Variants in UPF2 observed in about 807,000 individuals in gnomAD.
The protein encoded by UPF2 is UPF2 regulator of nonsense mediated mRNA decay, also known as regulator of nonsense transcripts 2.
A neutral mutation model predicts 141.4 loss-of-function variants in UPF2; 17 were observed. That is an observed-to-expected ratio of 0.12 (90% confidence interval 0.08 to 0.18). The LOEUF (loss-of-function observed/expected upper bound fraction) is 0.18. Among genes scored for constraint, UPF2 ranks in the 10% least tolerant of loss-of-function variants. The probability of loss-of-function intolerance (pLI) is 1.00; values close to 1 mark genes in which losing one functional copy is unlikely to be tolerated. For missense variants in UPF2, 1,152 were observed against 1,515.9 expected (o/e 0.76, Z 3.99); for synonymous variants, 540 against 498.0 (o/e 1.08, Z -1.12).
At chr10:12,028,469 G>C (rs781635177) in intron 3 of UPF2, among the ~76,000 whole-genome samples, 2 of 152,064 alleles carry the variant, frequency 1.3e-5, no homozygotes, top group African/African-American at 2.4e-5. Flanking sequence ...TGATTATTAA[G>C]GAGTATTTAA....
chr10:12,018,062 C>A (rs1834255077), intron 3 of UPF2, among the ~76,000 whole-genome samples: 1 of 152,192 alleles, frequency 6.6e-6, no homozygotes, highest in African/African-American at 2.4e-5. Context: ...AAGTAATACA[C>A]ATTTACTGAA....
intron 2 of UPF2, among the ~76,000 whole-genome samples, chr10:12,030,420 G>A (rs1834497862): frequency 6.6e-6 from 1 of 151,934 alleles, no homozygotes. Flanking sequence ...TGTAATCTCA[G>A]CTACTTGGGA....
chr10:12,009,020 C>T (rs1265444160), intron 4 of UPF2, among the ~76,000 whole-genome samples: 1 of 152,106 alleles, frequency 6.6e-6, no homozygotes, highest in Non-Finnish European at 1.5e-5. Context: ...AGGACATGAA[C>T]TCACTCTTTT....
chr10:12,014,157 G>T lies in UPF2; in HGVS notation c.1173C>A (p.Leu391=). 1 of 1,527,838 alleles carries T rather than the reference G, an allele frequency of 6.5e-7. No individual in the cohort carries two copies. Among genetic ancestry groups the T allele is most frequent in the Non-Finnish European group, 8.8e-7 (1 of 1,130,564 alleles). 94.6% of individuals were successfully genotyped at this position (1,527,838 alleles called of 1,614,324 possible). Residue 391 remains leucine, a synonymous_variant, in exon 4 of 22, where the codon CTC becomes CTA. Coordinates refer to ENST00000357604, the MANE Select transcript of UPF2 (RefSeq NM_015542.4). The surrounding 1 kb of genome is among the most constrained non-coding windows in gnomAD (Gnocchi z 5.0). The part of the protein sequence containing the change: ...NRRILHSKGE[L]SEDRHKQYEE... ...CATACTGTTTATGTCTATCTTCACT[G>T]AGCTCCCCTTTAGAATGTAGAATGC...
At chr10:11,945,953 C>A (rs1832995083) in intron 16 of UPF2, among the ~76,000 whole-genome samples, 1 of 151,866 alleles carries the variant, frequency 6.6e-6, no homozygotes, top group Non-Finnish European at 1.5e-5. Flanking sequence ...TCTATTACAA[C>A]CTCATTTTGA....
intron 17 of UPF2, 93 bp from the exon 18 acceptor site, chr10:11,942,856 T>G: frequency 8.8e-7 from 1 of 1,140,230 alleles, no homozygotes; most frequent in South Asian, 1.3e-5. Flanking sequence ...TTGTTTAACA[T>G]AACTCAAGGA....
chr10:12,040,716 C>T (rs999448555), intron 1 of UPF2, among the ~76,000 whole-genome samples: 2 of 152,204 alleles, frequency 1.3e-5, no homozygotes, highest in Non-Finnish European at 2.9e-5. Flanking sequence ...AACTCTGCAG[C>T]CTGATAGCTA....
At chr10:11,927,101 C>A (rs1832722933) in intron 21 of UPF2, among the ~76,000 whole-genome samples, 1 of 152,228 alleles carries the variant, frequency 6.6e-6, no homozygotes, top group Admixed American at 6.5e-5. Context: ...TACTGGACCA[C>A]AACCGTGCAG....
At chr10:11,942,003 C>G (rs1037156179) in intron 18 of UPF2, among the ~76,000 whole-genome samples, 11 of 152,278 alleles carry the variant, frequency 7.2e-5, no homozygotes, top group Non-Finnish European at 1.6e-4. Flanking sequence ...GAAGAATTTA[C>G]TGAATTAAAT....
At position 11,948,510 on chromosome 10, in the gene UPF2, T is replaced by A. The variant is rs1458616634; in HGVS notation, c.3035-2A>T. On this transcript the variant is annotated splice_acceptor_variant, in intron 15 of 21. Coordinates refer to ENST00000357604, the MANE Select transcript of UPF2 (RefSeq NM_015542.4). LOFTEE classifies it high-confidence loss of function. ...TTGAGTCTTTGTCATTTACTAGGCC[T>A]TGAAATGAGAAGGTGGAAATGGAAA... The A allele has an allele frequency of 6.2e-7, 1 of 1,610,984 alleles. No homozygotes were observed. The highest frequency in any genetic ancestry group is 8.5e-7 in the Non-Finnish European group (1 of 1,179,562).
chr10:11,976,789 G>A (rs1354090495), intron 9 of UPF2, among the ~76,000 whole-genome samples: 1 of 152,328 alleles, frequency 6.6e-6, no homozygotes, highest in East Asian at 1.9e-4. Context: ...AGAACCAGGA[G>A]AGAATGGTGG....
intron 9 of UPF2, among the ~76,000 whole-genome samples, chr10:11,977,027 G>A (rs888207587): frequency 3.9e-5 from 6 of 152,114 alleles, no homozygotes; most frequent in African/African-American, 9.7e-5. Flanking sequence ...CTAGAACACC[G>A]GAGAGTGGGG....
intron 12 of UPF2, among the ~76,000 whole-genome samples, chr10:11,958,596 G>A (rs958390872): frequency 6.6e-6 from 1 of 152,160 alleles, no homozygotes; most frequent in African/African-American, 2.4e-5. Context: ...TATATGTCAA[G>A]TGTAGAGTTC....
rs1008651057 is a variant in UPF2 at position 11,953,892 on chromosome 10, G to A, written c.2850+1340C>T. Reference sequence around the variant, plus strand: ...AATATTTACCCCCAACTTAACACACGCCACCATGTGGATGTATTTTTGATA... The same window carrying A: ...AATATTTACCCCCAACTTAACACACACCACCATGTGGATGTATTTTTGATA... On this transcript the variant is annotated intron_variant, in intron 14 of 21. Coordinates refer to ENST00000357604, the MANE Select transcript of UPF2 (RefSeq NM_015542.4). The surrounding 1 kb of genome is among the most constrained non-coding windows in gnomAD (Gnocchi z 5.0). Among the ~76,000 whole-genome samples the A allele has an allele frequency of 2.0e-5, 3 of 152,122 alleles. No individual in the cohort carries two copies. Among genetic ancestry groups the A allele is most frequent in the African/African-American group, 7.2e-5 (3 of 41,420 alleles).
chr10:12,028,822 TAA>T lies in UPF2; in HGVS notation c.1066_1067del (p.Leu356LysfsTer22). The T allele has an allele frequency of 6.2e-7, 1 of 1,614,164 alleles. No individual in the cohort carries two copies. The highest frequency in any genetic ancestry group is 8.5e-7 in the Non-Finnish European group (1 of 1,180,034). Reference protein sequence around the residue: ...PEKQQPFQNLLKEYFTSLTKH... With the variant: ...PEKQQPFQNLXKEYFTSLTKH... ...TGGTCAAAGACGTAAAGTACTCTTT[TAA>T]AAGATTCTGGAAGGGCTGTTGTTTC... On this transcript the variant is annotated frameshift_variant, in exon 3 of 22. Transcript: ENST00000357604. LOFTEE classifies it high-confidence loss of function.
Position 11,956,204 on chromosome 10 carries a change from G to T in UPF2, c.2574+116C>A. 1 of 976,296 alleles carries T rather than the reference G, an allele frequency of 1.0e-6. No homozygotes were observed. Among genetic ancestry groups the T allele is most frequent in the Non-Finnish European group, 1.5e-6 (1 of 652,922 alleles). 60.5% of individuals were successfully genotyped at this position (976,296 alleles called of 1,614,324 possible). A position where few individuals can be genotyped will look rare whatever the true frequency, so the allele number is the denominator to read the frequency against. On this transcript the variant is annotated intron_variant, in intron 13 of 21. Coordinates refer to ENST00000357604, the MANE Select transcript of UPF2 (RefSeq NM_015542.4). This position sits in a 1 kb window ranked among gnomAD's most constrained non-coding sequence, Gnocchi z 4.2. ...GGAAATTCTTATAAAATGATTATCAGCTTTTTCTAACTAATAAATTTACAG... is the reference window on the plus strand; with the variant it reads ...GGAAATTCTTATAAAATGATTATCATCTTTTTCTAACTAATAAATTTACAG...
In UPF2 at chr10:12,034,711, A is replaced by C. The variant is rs1209485745; in HGVS notation, c.365+348T>G. On this transcript the variant is annotated intron_variant, in intron 2 of 21. Transcript: ENST00000357604. ...TCCCAGCTACTCGGGAGGCTGAGGC[A>C]GGAGAATCACTTGAACCCAGGAGGC... Among the ~76,000 whole-genome samples the C allele has an allele frequency of 3.9e-5, 6 of 152,092 alleles. No homozygotes were observed. In the East Asian group the frequency reaches 1.2e-3, roughly 29 times the overall value.
intron 3 of UPF2, among the ~76,000 whole-genome samples, chr10:12,024,796 G>A (rs956799994): frequency 6.6e-6 from 1 of 151,534 alleles, no homozygotes; most frequent in Non-Finnish European, 1.5e-5. Flanking sequence ...AACCAGGCAT[G>A]GTAGCACGTG....
Position 12,042,139 on chromosome 10 carries a change from C to T in UPF2, c.-19+616G>A, listed in dbSNP as rs1834746987. Among the ~76,000 whole-genome samples, 1 of 152,022 alleles carries T rather than the reference C, an allele frequency of 6.6e-6. No individual in the cohort carries two copies. The highest frequency in any genetic ancestry group is 2.1e-4 in the South Asian group (1 of 4,828). On this transcript the variant is annotated intron_variant, in intron 1 of 21. Transcript: ENST00000357604. The surrounding 1 kb of genome is among the most constrained non-coding windows in gnomAD (Gnocchi z 5.5). ...CCCAGATACACCCCAAGCCCCTTCCCCTACACATACCTCTCCTACAAACCC... is the reference window on the plus strand; with the variant it reads ...CCCAGATACACCCCAAGCCCCTTCCTCTACACATACCTCTCCTACAAACCC...
Sources: allele counts gnomAD v4.1 joint callset (sites outside exome capture counted in the v4.1 genomes callset), GRCh38; gene constraint gnomAD v4.1.1; non-coding constraint Gnocchi (gnomAD v3.1); transcripts MANE v1.5; gene names NCBI Gene and HGNC (gene_info 2026-07-23, HGNC 2026-07-21).